Variants in NAAA observed in about 807,000 individuals in gnomAD.
NAAA encodes the protein N-acylethanolamine acid amidase.
Under a neutral mutation model 44.8 loss-of-function variants are expected in NAAA, and 39 were observed. The observed-to-expected ratio is 0.87, with a 90% CI of 0.67 to 1.14. NAAA has a LOEUF of 1.14. Ranked by LOEUF, NAAA falls within the 50% of genes most tolerant of loss-of-function variation. The pLI is 0.00. For synonymous variants in NAAA, 178 were observed against 191.3 expected (o/e 0.93, Z 0.58); for missense variants, 460 against 467.8 (o/e 0.98, Z 0.15).
chr4:75,930,604 C>G, intron 4 of NAAA: 1 of 419,824 alleles, frequency 2.4e-6, no homozygotes, highest in South Asian at 1.8e-5. Context: ...TCTTCTGCTT[C>G]CATCTTAACC....
intron 7 of NAAA, 25 bp from the exon 8 acceptor site, chr4:75,920,000 A>G: frequency 6.2e-7 from 1 of 1,604,798 alleles, no homozygotes; most frequent in Non-Finnish European, 8.5e-7. Flanking sequence ...GTCGAAGGTC[A>G]CTTGGCATTT....
Position 75,925,729 on chromosome 4 carries a change from A to C in NAAA, c.666+6T>G, listed in dbSNP as rs747263093. On this transcript the variant is annotated splice_donor_region_variant and intron_variant, in intron 5 of 10. Transcript: ENST00000286733. ...TTAAGGAGGGCTCCACATTAAATATACTCACAGCGCGGATCAGCCAGCTGA... is the reference window on the plus strand; with the variant it reads ...TTAAGGAGGGCTCCACATTAAATATCCTCACAGCGCGGATCAGCCAGCTGA... The C allele has an allele frequency of 1.9e-6, 3 of 1,613,928 alleles. No individual in the cohort carries two copies. The East Asian group carries it at 6.7e-5, about 36-fold the overall frequency.
At chr4:75,930,975 A>AC (rs71210228) in intron 4 of NAAA, among the ~76,000 whole-genome samples, 39,901 of 151,966 alleles carry the variant, frequency 0.26, 5,438 homozygotes, top group East Asian at 0.42. Context: ...ACCTGTACTA[A>AC]CCACCCCACC....
intron 4 of NAAA, among the ~76,000 whole-genome samples, chr4:75,928,657 G>C (rs1726950517): frequency 6.6e-6 from 1 of 152,228 alleles, no homozygotes; most frequent in African/African-American, 2.4e-5. Context: ...CTAGGACTCA[G>C]AGGAGGCCAG....
intron 5 of NAAA, 105 bp from the exon 6 acceptor site, chr4:75,921,228 T>C (rs866369549): frequency 4.7e-6 from 5 of 1,062,182 alleles, no homozygotes; most frequent in Middle Eastern, 2.8e-4. Flanking sequence ...TGTTATGTCA[T>C]GACTATCACC....
Position 75,940,045 on chromosome 4 carries a change from G to A in NAAA, c.327C>T (p.Ser109=), listed in dbSNP as rs574315723. Residue 109 remains serine (S), a synonymous_variant, in exon 2 of 11, where the codon AGC becomes AGT. Coordinates refer to ENST00000286733, the MANE Select transcript of NAAA (RefSeq NM_014435.4). ...IRGMCDFMNL[S]LADCLLVNLA... is the part of the protein sequence containing the mutation. ...GGTTGACCAGAAGGCAGTCCGCCAG[G>A]CTGAGGTTCATGAAGTCACACATGC... The A allele has an allele frequency of 4.0e-5, 64 of 1,614,130 alleles. 1 individual carries two copies. In the South Asian group the frequency reaches 6.5e-4, roughly 16 times the overall value.
chr4:75,921,218 T>G, intron 5 of NAAA, 95 bp from the exon 6 acceptor site: 1 of 1,141,268 alleles, frequency 8.8e-7, no homozygotes, highest in Non-Finnish European at 1.2e-6. Context: ...TCTCCTGATA[T>G]GTTATGTCAT....
At position 75,914,238 on chromosome 4, in the gene NAAA, G is replaced by A; in HGVS notation, c.*137C>T. The A allele has an allele frequency of 2.0e-6, 2 of 985,844 alleles. No individual in the cohort carries two copies. Among genetic ancestry groups the A allele is most frequent in the Non-Finnish European group, 2.4e-6 (2 of 829,924 alleles). 61.1% of individuals were successfully genotyped at this position (985,844 alleles called of 1,614,324 possible). On this transcript the variant is annotated 3_prime_UTR_variant, in exon 11 of 11. Transcript: ENST00000286733. ...ACTTCGCAAGGTTGTAAAGTTAAAT[G>A]AGGAAGGAGCCTGCATTGTTTGTAA...
rs1201471967 is a variant in NAAA at position 75,913,957 on chromosome 4, C to G, written c.*418G>C. The G allele has an allele frequency of 5.1e-6, 5 of 985,226 alleles. No homozygotes were observed. In the African/African-American group the frequency reaches 8.7e-5, roughly 17 times the overall value. 61.0% of individuals were successfully genotyped at this position (985,226 alleles called of 1,614,324 possible). A position where few individuals can be genotyped will look rare whatever the true frequency, so the allele number is the denominator to read the frequency against. On this transcript the variant is annotated 3_prime_UTR_variant, in exon 11 of 11. Coordinates refer to ENST00000286733, the MANE Select transcript of NAAA (RefSeq NM_014435.4). ...TCAGATGAGCCTTTTTTCTTAGGCT[C>G]TTTCAGAAGCACTTCACAATGAACA...
intron 3 of NAAA, among the ~76,000 whole-genome samples, chr4:75,933,674 G>A (rs560825914): frequency 8.5e-4 from 130 of 152,152 alleles, no homozygotes; most frequent in Non-Finnish European, 1.6e-3. Context: ...CTTTACTTCT[G>A]TTTGTACTTC....
intron 1 of NAAA, among the ~76,000 whole-genome samples, chr4:75,940,433 G>A (rs1401446536): frequency 6.6e-6 from 1 of 152,212 alleles, no homozygotes; most frequent in African/African-American, 2.4e-5. Flanking sequence ...TGGAAGGCCC[G>A]CGAGGCCCGC....
At position 75,913,798 on chromosome 4, in the gene NAAA, G is replaced by T; in HGVS notation, c.*577C>A. 2 of 984,780 alleles carry T rather than the reference G, an allele frequency of 2.0e-6. No homozygotes were observed. Among genetic ancestry groups the T allele is most frequent in the Non-Finnish European group, 1.2e-6 (1 of 829,448 alleles). The allele number at this position is 984,780 out of a possible 1,614,324, so 61.0% of individuals were successfully genotyped here. Reference sequence around the variant, plus strand: ...AAAGTAGCTATTGAGAAAGAAGGAGGGCCATAGGTTTTTCAATAAAACGTT... The same window carrying T: ...AAAGTAGCTATTGAGAAAGAAGGAGTGCCATAGGTTTTTCAATAAAACGTT... On this transcript the variant is annotated 3_prime_UTR_variant, in exon 11 of 11. Coordinates refer to ENST00000286733, the MANE Select transcript of NAAA (RefSeq NM_014435.4).
chr4:75,925,722 T>TA lies in NAAA; in HGVS notation c.666+12dup. ...GGTGGAGTTAAGGAGGGCTCCACAT[T>TA]AAATATACTCACAGCGCGGATCAGC... On this transcript the variant is annotated intron_variant, in intron 5 of 10. Transcript: ENST00000286733. 1.9e-6 allele frequency: 3 copies of TA among 1,613,810 alleles called. No homozygotes were observed. The highest frequency in any genetic ancestry group is 2.5e-6 in the Non-Finnish European group (3 of 1,179,730).
intron 5 of NAAA, among the ~76,000 whole-genome samples, chr4:75,922,309 T>C (rs550519085): frequency 2.1e-4 from 31 of 148,816 alleles, no homozygotes; most frequent in African/African-American, 5.2e-4. Context: ...ACCCAGGAGA[T>C]GAAGGTTGCA....
At chr4:75,939,082 A>G (rs1262868723) in intron 2 of NAAA, among the ~76,000 whole-genome samples, 2 of 151,884 alleles carry the variant, frequency 1.3e-5, no homozygotes, top group South Asian at 4.2e-4. Flanking sequence ...TGAACTCCTG[A>G]CCTCAGGTGA....
chr4:75,925,890 G>A (rs909274697), intron 4 of NAAA, 79 bp from the exon 5 acceptor site: 7 of 1,326,620 alleles, frequency 5.3e-6, no homozygotes, highest in African/African-American at 4.3e-5. Flanking sequence ...TTTTAGCAAG[G>A]AAATATAGAG....
chr4:75,921,262 C>T, intron 5 of NAAA, 139 bp from the exon 6 acceptor site: 1 of 797,030 alleles, frequency 1.3e-6, no homozygotes, highest in Non-Finnish European at 1.9e-6. Flanking sequence ...ACCTTATCCT[C>T]TTGTTATCAG....
At chr4:75,927,972 T>C (rs1372266257) in intron 4 of NAAA, among the ~76,000 whole-genome samples, 2 of 152,204 alleles carry the variant, frequency 1.3e-5, no homozygotes, top group African/African-American at 2.4e-5. Context: ...TCCCAAAATA[T>C]GCACATGTAA....
downstream of NAAA, among the ~76,000 whole-genome samples, chr4:75,911,978 C>T (rs371835992): frequency 7.2e-5 from 11 of 152,126 alleles, no homozygotes; most frequent in African/African-American, 2.2e-4. Context: ...TTGGTCTGTG[C>T]CCAGGAACGA....
Sources: allele counts gnomAD v4.1 joint callset (sites outside exome capture counted in the v4.1 genomes callset), GRCh38; gene constraint gnomAD v4.1.1; transcripts MANE v1.5; gene names NCBI Gene and HGNC (gene_info 2026-07-23, HGNC 2026-07-21).